Variants in CTIF observed in about 807,000 individuals in gnomAD.
The protein encoded by CTIF is CBP80/20-dependent translation initiation factor.
Under a neutral mutation model 66.0 loss-of-function variants are expected in CTIF, and 21 were observed. That is an observed-to-expected ratio of 0.32 (90% CI 0.23 to 0.46). The LOEUF (loss-of-function observed/expected upper bound fraction) is 0.46. Among genes scored for constraint, CTIF ranks in the 20% least tolerant of loss-of-function variants. The pLI, the probability that CTIF is intolerant of heterozygous loss-of-function variation, is 1.00. For synonymous variants in CTIF, 345 were observed against 326.4 expected (o/e 1.06, Z -0.62); for missense variants, 739 against 812.7 (o/e 0.91, Z 1.10).
At chr18:48,595,932 T>C (rs2089980233) in intron 1 of CTIF, among the ~76,000 whole-genome samples, 1 of 152,152 alleles carries the variant, frequency 6.6e-6, no homozygotes, top group Admixed American at 6.5e-5. Context: ...CTCTCCAGCA[T>C]GGCAGCTGGT....
At chr18:48,569,470 C>CA (rs1338096555) in intron 1 of CTIF, among the ~76,000 whole-genome samples, 3 of 148,976 alleles carry the variant, frequency 2.0e-5, no homozygotes, top group Admixed American at 6.6e-5. Flanking sequence ...GAAAAAAAAA[C>CA]AAAAAAACAA....
At chr18:48,720,750 C>G (rs1300355856) in intron 7 of CTIF, among the ~76,000 whole-genome samples, 1 of 152,158 alleles carries the variant, frequency 6.6e-6, no homozygotes, top group East Asian at 1.9e-4. Flanking sequence ...AGAGAAAGCC[C>G]CACGCTTTGT....
Position 48,774,475 on chromosome 18 carries a change from TG to T in CTIF, c.1371+12793del, listed in dbSNP as rs564605996. Among the ~76,000 whole-genome samples the T allele has an allele frequency of 3.0e-3, 462 of 152,034 alleles. 1 individual carries two copies. The Middle Eastern group carries it at 0.038, about 12-fold the overall frequency. On this transcript the variant is annotated intron_variant, in intron 9 of 11. Coordinates refer to ENST00000256413, the MANE Select transcript of CTIF (RefSeq NM_014772.3). ...CTTCAGGGAAAAACAGCGGCCTCTT[TG>T]GGGGGGACAGGGAGGAACCTGCAGG...
At chr18:48,806,799 G>C (rs2068157166) in intron 9 of CTIF, among the ~76,000 whole-genome samples, 1 of 152,190 alleles carries the variant, frequency 6.6e-6, no homozygotes, top group African/African-American at 2.4e-5. Flanking sequence ...AGAATGCCTT[G>C]AGAAACCTGA....
At chr18:48,813,915 A>C (rs1385011808) in intron 9 of CTIF, among the ~76,000 whole-genome samples, 1 of 152,154 alleles carries the variant, frequency 6.6e-6, no homozygotes, top group Non-Finnish European at 1.5e-5. Flanking sequence ...TGCAGATGGG[A>C]GCTGCCTTAA....
At chr18:48,775,465 G>A (rs1447349442) in intron 9 of CTIF, among the ~76,000 whole-genome samples, 1 of 152,342 alleles carries the variant, frequency 6.6e-6, no homozygotes. Flanking sequence ...AGGGGCCCCC[G>A]GCACAGTAGG....
At chr18:48,595,779 C>T (rs1439636800) in intron 1 of CTIF, among the ~76,000 whole-genome samples, 2 of 152,154 alleles carry the variant, frequency 1.3e-5, no homozygotes, top group Admixed American at 1.3e-4. Flanking sequence ...GAATCCCTTG[C>T]TCTGGGATCT....
intron 1 of CTIF, among the ~76,000 whole-genome samples, chr18:48,560,818 C>A (rs1242972764): frequency 6.6e-6 from 1 of 152,162 alleles, no homozygotes; most frequent in African/African-American, 2.4e-5. Flanking sequence ...AGTGATCCTC[C>A]CACCTTGGCC....
rs145145767 is a variant in CTIF at position 48,761,700 on chromosome 18, G to A, written c.1371+11G>A. On this transcript the variant is annotated intron_variant, in intron 9 of 11. Transcript: ENST00000256413. This position sits in a 1 kb window ranked among gnomAD's most constrained non-coding sequence, Gnocchi z 4.2. Reference sequence around the variant, plus strand: ...CTCAACATGCTGCAGGTAACTGGACGCCGGCCACCACCGCCCCGCGCCCCC... The same window carrying A: ...CTCAACATGCTGCAGGTAACTGGACACCGGCCACCACCGCCCCGCGCCCCC... 2,872 of 1,600,664 alleles carry A rather than the reference G, an allele frequency of 1.8e-3. 55 individuals carry two copies. The African/African-American group carries it at 0.034, about 19-fold the overall frequency.
chr18:48,719,369 A>C lies in CTIF; in HGVS notation c.584+7674A>C, dbSNP rs142945186. Reference sequence around the variant, plus strand: ...CACTCTACCAGTCATAGAGTCCCACATCCTACAAAAATGACCAGGTCCCCC... The same window carrying C: ...CACTCTACCAGTCATAGAGTCCCACCTCCTACAAAAATGACCAGGTCCCCC... On this transcript the variant is annotated intron_variant, in intron 7 of 11. Coordinates refer to ENST00000256413, the MANE Select transcript of CTIF (RefSeq NM_014772.3). Among the ~76,000 whole-genome samples the C allele has an allele frequency of 5.2e-4, 79 of 152,262 alleles. 1 individual carries two copies. The highest frequency in any genetic ancestry group is 1.8e-3 in the African/African-American group (75 of 41,558).
At chr18:48,848,033 G>A (rs536078068) in intron 10 of CTIF, among the ~76,000 whole-genome samples, 5 of 152,246 alleles carry the variant, frequency 3.3e-5, no homozygotes, top group African/African-American at 9.6e-5. Context: ...CAGCTGTCCC[G>A]GAGGGTACTC....
chr18:48,610,912 G>A (rs748299062), intron 1 of CTIF, among the ~76,000 whole-genome samples: 2 of 152,208 alleles, frequency 1.3e-5, no homozygotes, highest in Non-Finnish European at 2.9e-5. Flanking sequence ...TTATTTAGGA[G>A]TATCTGTCAT....
At chr18:48,820,034 T>C (rs950116491) in intron 10 of CTIF, among the ~76,000 whole-genome samples, 1 of 152,154 alleles carries the variant, frequency 6.6e-6, no homozygotes, top group Non-Finnish European at 1.5e-5. Flanking sequence ...TCTAGGCTGA[T>C]GGGGCCTAGG....
At chr18:48,615,895 C>T (rs1028115878) in intron 1 of CTIF, among the ~76,000 whole-genome samples, 3 of 152,246 alleles carry the variant, frequency 2.0e-5, no homozygotes, top group African/African-American at 7.2e-5. Context: ...ACCCGCAGAG[C>T]GAGTCCTCTT....
chr18:48,751,951 TC>T (rs1907860949), intron 7 of CTIF, among the ~76,000 whole-genome samples: 1 of 73,208 alleles, frequency 1.4e-5, no homozygotes. Context: ...TATTATTCAT[TC>T]ATTCATTCAT....
intron 1 of CTIF, among the ~76,000 whole-genome samples, chr18:48,568,682 C>CTCACAGT (rs1470535355): frequency 1.3e-5 from 1 of 75,332 alleles, no homozygotes. Context: ...GTTTAATGGA[C>CTCACAGT]TCACAGTTCC....
intron 9 of CTIF, among the ~76,000 whole-genome samples, chr18:48,780,234 T>C (rs1029670310): frequency 6.6e-6 from 1 of 152,146 alleles, no homozygotes. Context: ...GATTAAGAAG[T>C]GAGGACCCTG....
chr18:48,660,948 G>A (rs983196471), intron 3 of CTIF, among the ~76,000 whole-genome samples: 9 of 152,120 alleles, frequency 5.9e-5, no homozygotes, highest in African/African-American at 9.7e-5. Flanking sequence ...AGGGCCTTAC[G>A]GGCCTCGGAT....
chr18:48,682,631 G>T (rs1260864585), intron 6 of CTIF, among the ~76,000 whole-genome samples: 1 of 152,152 alleles, frequency 6.6e-6, no homozygotes, highest in Non-Finnish European at 1.5e-5. Flanking sequence ...GAGATTTTTG[G>T]TTGGTTGGTT....
Sources: allele counts gnomAD v4.1 joint callset (sites outside exome capture counted in the v4.1 genomes callset), GRCh38; gene constraint gnomAD v4.1.1; non-coding constraint Gnocchi (gnomAD v3.1); transcripts MANE v1.5; gene names NCBI Gene and HGNC (gene_info 2026-07-23, HGNC 2026-07-21).